The following RAB8B variants were observed in gnomAD, a reference collection of about 807,000 sequenced individuals.
The protein encoded by RAB8B is ras-related protein Rab-8B.
RAB8B carries 11 observed loss-of-function variants against 32.0 expected under a neutral mutation model. The ratio of observed to expected loss-of-function variants is 0.34; its 90% CI spans 0.22 to 0.57. RAB8B has a LOEUF of 0.57. Among genes scored for constraint, RAB8B ranks in the 20% least tolerant of loss-of-function variants. The probability of loss-of-function intolerance (pLI) is 0.86; values close to 1 mark genes in which losing one functional copy is unlikely to be tolerated. For missense variants in RAB8B, 190 were observed against 258.5 expected (o/e 0.73, Z 1.82); for synonymous variants, 103 against 89.6 (o/e 1.15, Z -0.85).
chr15:63,190,235 G>A (rs557411665), intron 1 of RAB8B, among the ~76,000 whole-genome samples: 74 of 152,220 alleles, frequency 4.9e-4, no homozygotes, highest in Non-Finnish European at 9.3e-4. Context: ...GGGACAGAGA[G>A]GTGAGAACCA....
At chr15:63,257,113 C>T (rs2038164373) in intron 5 of RAB8B, among the ~76,000 whole-genome samples, 1 of 152,088 alleles carries the variant, frequency 6.6e-6, no homozygotes. Context: ...GCATTTCTCT[C>T]TTTTGTGTCC....
chr15:63,197,536 G>C (rs1464648081), intron 1 of RAB8B, among the ~76,000 whole-genome samples: 1 of 151,588 alleles, frequency 6.6e-6, no homozygotes, highest in Non-Finnish European at 1.5e-5. Flanking sequence ...ACCATACCTG[G>C]TTAATTTTTG....
Position 63,256,585 on chromosome 15 carries a change from A to G in RAB8B, c.405A>G (p.Arg135=), listed in dbSNP as rs1567021326. 4 of 1,596,560 alleles carry G rather than the reference A, an allele frequency of 2.5e-6. No individual in the cohort carries two copies. Among genetic ancestry groups the G allele is most frequent in the Non-Finnish European group, 3.4e-6 (4 of 1,170,582 alleles). Residue 135 remains arginine (R), a synonymous_variant, in exon 5 of 8, where the codon AGA becomes AGG. Coordinates refer to ENST00000321437, the MANE Select transcript of RAB8B (RefSeq NM_016530.3). ...MNDKRQVSKE[R]GEKLAIDYGI... Reference sequence around the variant, plus strand: ...ACAAAAGACAAGTGTCAAAAGAAAGAGGGGAGAAGGTAAATGTGAATGGAA... The same window carrying G: ...ACAAAAGACAAGTGTCAAAAGAAAGGGGGGAGAAGGTAAATGTGAATGGAA...
At chr15:63,218,240 C>T (rs1392022588) in intron 1 of RAB8B, among the ~76,000 whole-genome samples, 2 of 152,204 alleles carry the variant, frequency 1.3e-5, no homozygotes, top group Non-Finnish European at 2.9e-5. Context: ...ATCTGGACCT[C>T]TGTTTCCTCT....
At chr15:63,212,597 G>A (rs999070577) in intron 1 of RAB8B, among the ~76,000 whole-genome samples, 1 of 152,176 alleles carries the variant, frequency 6.6e-6, no homozygotes, top group African/African-American at 2.4e-5. Flanking sequence ...ACTAGATAGG[G>A]GAAAGGAAAT....
intron 1 of RAB8B, among the ~76,000 whole-genome samples, chr15:63,211,893 G>T (rs569740681): frequency 1.3e-5 from 2 of 151,986 alleles, no homozygotes; most frequent in Non-Finnish European, 2.9e-5. Flanking sequence ...GTGCAGTGGC[G>T]CAATCATGGC....
At chr15:63,238,488 T>C (rs892682789) in intron 1 of RAB8B, among the ~76,000 whole-genome samples, 10 of 152,182 alleles carry the variant, frequency 6.6e-5, no homozygotes, top group Non-Finnish European at 1.5e-4. Context: ...GAACACTACA[T>C]GAAATTGCCT....
intron 1 of RAB8B, chr15:63,223,096 C>A (rs1297772025): frequency 2.2e-6 from 1 of 451,770 alleles, no homozygotes; most frequent in Non-Finnish European, 4.4e-6. Flanking sequence ...TATAGGTATA[C>A]CATTTTTATT....
intron 3 of RAB8B, among the ~76,000 whole-genome samples, chr15:63,254,756 C>G (rs1260122380): frequency 6.6e-6 from 1 of 151,908 alleles, no homozygotes; most frequent in Admixed American, 6.6e-5. Flanking sequence ...ACTAAAAATA[C>G]AAAAAATTAG....
In RAB8B at chr15:63,240,696, C is replaced by A. The variant is rs564084047; in HGVS notation, c.125-4060C>A. On this transcript the variant is annotated intron_variant, in intron 1 of 7. Coordinates refer to ENST00000321437, the MANE Select transcript of RAB8B (RefSeq NM_016530.3). The stretch of plus-strand genomic sequence containing the variant: ...CAACAGCATAAGCAAAAGCTAAATG[C>A]CATAGTTCACAGCTCTTAGAAACTT... Among the ~76,000 whole-genome samples the A allele has an allele frequency of 2.6e-5, 4 of 151,414 alleles. No homozygotes were observed. The South Asian group carries it at 8.3e-4, about 31-fold the overall frequency.
chr15:63,228,523 C>T (rs1033859483), intron 1 of RAB8B, among the ~76,000 whole-genome samples: 2 of 152,222 alleles, frequency 1.3e-5, no homozygotes, highest in Admixed American at 1.3e-4. Context: ...TAAAACACAG[C>T]ATGTGAAAGC....
At chr15:63,199,651 G>A (rs138436041) in intron 1 of RAB8B, among the ~76,000 whole-genome samples, 22 of 151,770 alleles carry the variant, frequency 1.4e-4, no homozygotes, top group African/African-American at 5.3e-4. Flanking sequence ...TCAACTTTGG[G>A]TTTTTTTTGT....
rs745824960 is a variant in RAB8B, at chr15:63,243,720, AT to A, written c.125-1026del. 5.8e-4 allele frequency among the ~76,000 whole-genome samples: 87 copies of A among 150,272 alleles called. No homozygotes were observed. In the East Asian group the frequency reaches 7.8e-3, roughly 13 times the overall value. On this transcript the variant is annotated intron_variant, in intron 1 of 7. Coordinates refer to ENST00000321437, the MANE Select transcript of RAB8B (RefSeq NM_016530.3). Reference sequence around the variant, plus strand: ...GAAGGGGGCAGGCCTAATCATGAGGATTTTTTTTTTCAACATTTCTCAGTCA... The same window carrying A: ...GAAGGGGGCAGGCCTAATCATGAGGATTTTTTTTTCAACATTTCTCAGTCA...
chr15:63,222,405 T>C (rs1172082157), intron 1 of RAB8B, among the ~76,000 whole-genome samples: 3 of 152,246 alleles, frequency 2.0e-5, no homozygotes, highest in Non-Finnish European at 4.4e-5. Context: ...ATTTAATGCC[T>C]TATATAGCCA....
chr15:63,215,913 C>A (rs925882003), intron 1 of RAB8B, among the ~76,000 whole-genome samples: 4 of 151,914 alleles, frequency 2.6e-5, no homozygotes, highest in Non-Finnish European at 5.9e-5. Context: ...TGACATGCAC[C>A]TGTGGTCCCA....
chr15:63,236,768 A>G (rs1168829653), intron 1 of RAB8B, among the ~76,000 whole-genome samples: 1 of 152,306 alleles, frequency 6.6e-6, no homozygotes, highest in Admixed American at 6.5e-5. Flanking sequence ...AAACAGTCCA[A>G]TTATACTTGT....
chr15:63,207,636 T>G (rs1225886032), intron 1 of RAB8B, among the ~76,000 whole-genome samples: 1 of 152,066 alleles, frequency 6.6e-6, no homozygotes, highest in Non-Finnish European at 1.5e-5. Flanking sequence ...CTCGGCTCAC[T>G]GCAATCTCCG....
intron 1 of RAB8B, among the ~76,000 whole-genome samples, chr15:63,242,189 C>G: frequency 6.6e-6 from 1 of 151,594 alleles, no homozygotes; most frequent in Admixed American, 6.6e-5. Flanking sequence ...TGATTGTTGC[C>G]TATTTCAAGA....
At position 63,233,119 on chromosome 15, in the gene RAB8B, C is replaced by A. The variant is rs560224595; in HGVS notation, c.125-11637C>A. Among the ~76,000 whole-genome samples the A allele has an allele frequency of 1.0e-4, 15 of 146,892 alleles. No homozygotes were observed. In the East Asian group the frequency reaches 3.1e-3, roughly 30 times the overall value. On this transcript the variant is annotated intron_variant, in intron 1 of 7. Coordinates refer to ENST00000321437, the MANE Select transcript of RAB8B (RefSeq NM_016530.3). ...ATGCCAGGGCTGGGGAGTGGTGGCGCAATGATCATAGCTCACTGCAGCCTT... is the reference window on the plus strand; with the variant it reads ...ATGCCAGGGCTGGGGAGTGGTGGCGAAATGATCATAGCTCACTGCAGCCTT...
Sources: gnomAD v4.1 joint callset for allele counts (sites outside exome capture counted in the v4.1 genomes callset) on GRCh38, gnomAD v4.1.1 for gene constraint, MANE v1.5 for transcripts, NCBI Gene and HGNC (gene_info 2026-07-23, HGNC 2026-07-21) for gene names.